Variants in CSMD1 observed in about 807,000 individuals in gnomAD.
CSMD1 encodes the protein CUB and sushi domain-containing protein 1.
A neutral mutation model predicts 417.5 loss-of-function variants in CSMD1; 213 were observed. The ratio of observed to expected loss-of-function variants is 0.51; its 90% CI spans 0.46 to 0.57. The LOEUF is 0.57. Ranked by LOEUF, CSMD1 falls within the 20% of genes least tolerant of loss-of-function variation. CSMD1 has a pLI of 0.00. For synonymous variants in CSMD1, 2,862 were observed against 1,736.8 expected (o/e 1.65, Z -16.11); for missense variants, 6,923 against 4,529.7 (o/e 1.53, Z -15.17).
At chr8:4,190,171 A>G (rs1798931813) in intron 3 of CSMD1, among the ~76,000 whole-genome samples, 1 of 149,056 alleles carries the variant, frequency 6.7e-6, no homozygotes, top group Non-Finnish European at 1.5e-5. Context: ...AGGCAAGAGA[A>G]TGGCGTGAAC....
intron 1 of CSMD1, among the ~76,000 whole-genome samples, chr8:4,683,515 T>A (rs573251839): frequency 3.3e-5 from 5 of 152,224 alleles, no homozygotes; most frequent in African/African-American, 1.2e-4. Context: ...CCCATCTCTG[T>A]AAGGGATTGT....
At chr8:4,613,775 C>A (rs1285701905) in intron 2 of CSMD1, among the ~76,000 whole-genome samples, 2 of 150,688 alleles carry the variant, frequency 1.3e-5, no homozygotes, top group Non-Finnish European at 2.9e-5. Flanking sequence ...TCACTGCTAA[C>A]ATCAAGACCA....
At chr8:3,485,563 AGG>A (rs1491554588) in intron 11 of CSMD1, among the ~76,000 whole-genome samples, 5 of 150,088 alleles carry the variant, frequency 3.3e-5, no homozygotes, top group East Asian at 2.0e-4. Flanking sequence ...AGAGAGAGAG[AGG>A]GAGAGAGAGA....
intron 26 of CSMD1, among the ~76,000 whole-genome samples, chr8:3,245,765 T>G (rs1396981634): frequency 6.6e-6 from 1 of 152,180 alleles, no homozygotes; most frequent in Non-Finnish European, 1.5e-5. Flanking sequence ...ACGGACTATG[T>G]GTTGACCAAG....
At chr8:3,898,455 A>G (rs953799897) in intron 5 of CSMD1, among the ~76,000 whole-genome samples, 3 of 152,236 alleles carry the variant, frequency 2.0e-5, no homozygotes, top group African/African-American at 7.2e-5. Context: ...AGTAAGTTGA[A>G]TAATATTATG....
chr8:4,936,539 A>G (rs1377813067), intron 1 of CSMD1, among the ~76,000 whole-genome samples: 6 of 152,198 alleles, frequency 3.9e-5, no homozygotes, highest in Admixed American at 1.3e-4. Context: ...TCGTGAATAA[A>G]TGTTTGGAGG....
In CSMD1 at chr8:3,292,113, C is replaced by T. The variant is rs1001757447; in HGVS notation, c.3951-7767G>A. Among the ~76,000 whole-genome samples the T allele has an allele frequency of 1.3e-3, 197 of 152,250 alleles. 1 individual carries two copies. Among genetic ancestry groups the T allele is most frequent in the African/African-American group, 4.6e-3 (193 of 41,538 alleles). The stretch of plus-strand genomic sequence containing the variant: ...AGTAGTCATTCAGGAGCAGGTTGTT[C>T]AGTTTCCATATAGTTGAGCAGTGTT... On this transcript the variant is annotated intron_variant, in intron 25 of 69. Coordinates refer to ENST00000635120, the MANE Select transcript of CSMD1 (RefSeq NM_033225.6).
chr8:4,743,881 T>C (rs1467815931), intron 1 of CSMD1, among the ~76,000 whole-genome samples: 1 of 152,194 alleles, frequency 6.6e-6, no homozygotes, highest in Non-Finnish European at 1.5e-5. Flanking sequence ...CAAGTTCTAG[T>C]TGCTCCCTAT....
chr8:3,395,174 C>A (rs1264459110), intron 17 of CSMD1, among the ~76,000 whole-genome samples: 1 of 152,134 alleles, frequency 6.6e-6, no homozygotes, highest in Non-Finnish European at 1.5e-5. Context: ...TTTGTAAAAT[C>A]ATACGTGTGG....
chr8:4,340,624 T>C (rs1800420857), intron 3 of CSMD1, among the ~76,000 whole-genome samples: 1 of 152,128 alleles, frequency 6.6e-6, no homozygotes. Flanking sequence ...GCGCCTCCTC[T>C]GCCAATGAGC....
intron 3 of CSMD1, among the ~76,000 whole-genome samples, chr8:4,066,989 C>G (rs1366901158): frequency 1.3e-5 from 2 of 152,336 alleles, no homozygotes; most frequent in Non-Finnish European, 2.9e-5. Context: ...TAAAGCAACT[C>G]CACAACTGAG....
chr8:3,206,574 TG>T (rs547413853), intron 30 of CSMD1, among the ~76,000 whole-genome samples: 29,835 of 138,168 alleles, frequency 0.22, 3,426 homozygotes, highest in Non-Finnish European at 0.24. Flanking sequence ...TATGTGTGTG[TG>T]TGTGTATGTG....
At position 3,630,189 on chromosome 8, in the gene CSMD1, G is replaced by T. The variant is rs987710276; in HGVS notation, c.1010-13392C>A. 5.9e-5 allele frequency among the ~76,000 whole-genome samples: 9 copies of T among 152,326 alleles called. No individual in the cohort carries two copies. The East Asian group carries it at 1.7e-3, about 29-fold the overall frequency. On this transcript the variant is annotated intron_variant, in intron 7 of 69. Coordinates refer to ENST00000635120, the MANE Select transcript of CSMD1 (RefSeq NM_033225.6). Reference sequence around the variant, plus strand: ...AATGCCTGGTACAGGCAGGCTCTCCGTCAGCTCCTGGGAGGGAGAAATTAA... The same window carrying T: ...AATGCCTGGTACAGGCAGGCTCTCCTTCAGCTCCTGGGAGGGAGAAATTAA...
chr8:4,738,162 T>C (rs918037626), intron 1 of CSMD1, among the ~76,000 whole-genome samples: 1 of 152,166 alleles, frequency 6.6e-6, no homozygotes, highest in African/African-American at 2.4e-5. Flanking sequence ...AATATCAGGT[T>C]AGTTTATTTG....
chr8:3,486,806 G>C (rs1189301230), intron 11 of CSMD1, among the ~76,000 whole-genome samples: 1 of 152,174 alleles, frequency 6.6e-6, no homozygotes, highest in African/African-American at 2.4e-5. Context: ...GCAGCTGCTA[G>C]CCCAAATCCA....
rs939328902 is a variant in CSMD1 at position 3,593,401 on chromosome 8, C to T, written c.1098-7141G>A. Among the ~76,000 whole-genome samples, 10 of 152,302 alleles carry T rather than the reference C, an allele frequency of 6.6e-5. No homozygotes were observed. The South Asian group carries it at 1.5e-3, about 22-fold the overall frequency. The stretch of plus-strand genomic sequence containing the variant: ...GAGAAGGTCAAGCCCATGAGCCTCC[C>T]CCAGGTCCACCTGCCTCCAGGGCAG... On this transcript the variant is annotated intron_variant, in intron 8 of 69. Coordinates refer to ENST00000635120, the MANE Select transcript of CSMD1 (RefSeq NM_033225.6).
chr8:3,288,394 C>G (rs60405136), intron 25 of CSMD1, among the ~76,000 whole-genome samples: 8 of 146,882 alleles, frequency 5.4e-5, no homozygotes, highest in Admixed American at 1.3e-4. Context: ...CTCCTTGTAC[C>G]TCTGGTAGAA....
At chr8:4,023,583 C>CTTTT (rs35976423) in intron 4 of CSMD1, among the ~76,000 whole-genome samples, 1 of 130,502 alleles carries the variant, frequency 7.7e-6, no homozygotes, top group African/African-American at 2.9e-5. Flanking sequence ...TGCTTTTCAA[C>CTTTT]TTTTTTTTTT....
intron 3 of CSMD1, among the ~76,000 whole-genome samples, chr8:4,226,993 AG>A (rs1307225340): frequency 1.3e-5 from 2 of 150,620 alleles, no homozygotes; most frequent in African/African-American, 2.4e-5. Context: ...TGAAAACTAA[AG>A]GGGGTAAATC....
Sources: allele counts gnomAD v4.1 joint callset (sites outside exome capture counted in the v4.1 genomes callset), GRCh38; gene constraint gnomAD v4.1.1; transcripts MANE v1.5; gene names NCBI Gene and HGNC (gene_info 2026-07-23, HGNC 2026-07-21).